Variants in SAMD12 observed in about 807,000 individuals in gnomAD.
The protein encoded by SAMD12 is sterile alpha motif domain-containing protein 12.
Under a neutral mutation model 15.0 loss-of-function variants are expected in SAMD12, and 9 were observed. That is an observed-to-expected ratio of 0.60 (90% CI 0.36 to 1.05). The LOEUF is 1.05. Among genes scored for constraint, SAMD12 ranks in the 50% least tolerant of loss-of-function variants. SAMD12 has a pLI of 0.01. For synonymous variants in SAMD12, 86 were observed against 90.1 expected (o/e 0.96, Z 0.25); for missense variants, 230 against 234.2 (o/e 0.98, Z 0.12).
intron 2 of SAMD12, among the ~76,000 whole-genome samples, chr8:118,574,549 T>C (rs541889272): frequency 7.4e-4 from 113 of 152,366 alleles, no homozygotes; most frequent in African/African-American, 2.5e-3. Context: ...TTTTCTTTTT[T>C]CTTGATTATA....
In SAMD12 at chr8:118,406,336, C is replaced by T. The variant is rs528741092; in HGVS notation, c.323-26636G>A. ...TCACCCAGGCTGGAGTGCAGTGGTG[C>T]GATCTCGCCTCACTGCAACTTCTGC... is the stretch of plus-strand genomic sequence containing the variant. On this transcript the variant is annotated intron_variant, in intron 3 of 3. Transcript: ENST00000314727. Among the ~76,000 whole-genome samples the T allele has an allele frequency of 1.3e-4, 20 of 152,046 alleles. No individual in the cohort carries two copies. In the South Asian group the frequency reaches 2.9e-3, roughly 22 times the overall value.
chr8:118,527,239 C>T (rs975664981), intron 2 of SAMD12, among the ~76,000 whole-genome samples: 1 of 152,190 alleles, frequency 6.6e-6, no homozygotes, highest in Admixed American at 6.5e-5. Flanking sequence ...CTCAGAGCTG[C>T]CAAAGCTTTC....
chr8:118,238,233 G>A (rs902919650), intron 4 of SAMD12, among the ~76,000 whole-genome samples: 1 of 152,040 alleles, frequency 6.6e-6, no homozygotes, highest in South Asian at 2.1e-4. Context: ...TTTTACCAGT[G>A]TTTGGCATAA....
At chr8:118,157,520 C>T in the SAMD12 span, among the ~76,000 whole-genome samples, 1 of 152,134 alleles carries the variant, frequency 6.6e-6, no homozygotes, top group African/African-American at 2.4e-5. Context: ...ATGTGAAAAA[C>T]ATTTATATTA....
intron 4 of SAMD12, among the ~76,000 whole-genome samples, chr8:118,198,060 T>A (rs552951792): frequency 6.6e-6 from 1 of 152,380 alleles, no homozygotes; most frequent in East Asian, 1.9e-4. Flanking sequence ...TCATGTATTA[T>A]GAAGGTTCAT....
intron 2 of SAMD12, among the ~76,000 whole-genome samples, chr8:118,560,675 C>T (rs1388219570): frequency 2.6e-5 from 4 of 151,750 alleles, no homozygotes; most frequent in African/African-American, 4.8e-5. Flanking sequence ...TCTTTCATAC[C>T]GAATAGTAGG....
intron 2 of SAMD12, among the ~76,000 whole-genome samples, chr8:118,535,412 C>T (rs531007228): frequency 1.7e-4 from 26 of 152,304 alleles, no homozygotes; most frequent in Admixed American, 8.5e-4. Context: ...CACTTGAGGA[C>T]GCAGTCTGCC....
intron 4 of SAMD12, among the ~76,000 whole-genome samples, chr8:118,348,213 ACTACAGGTATGTG>A (rs1817765438): frequency 6.6e-6 from 1 of 152,100 alleles, no homozygotes; most frequent in African/African-American, 2.4e-5. Flanking sequence ...AGTAGCTGGC[ACTACAGGTATGTG>A]CTACCATGCC....
chr8:118,578,118 C>T (rs1035169195), intron 2 of SAMD12, among the ~76,000 whole-genome samples: 2 of 152,096 alleles, frequency 1.3e-5, no homozygotes, highest in Non-Finnish European at 2.9e-5. Flanking sequence ...CGGAAACATA[C>T]AATATCTACT....
intron 1 of SAMD12, among the ~76,000 whole-genome samples, chr8:118,608,082 A>G (rs190767325): frequency 1.3e-5 from 2 of 152,136 alleles, no homozygotes; most frequent in African/African-American, 4.8e-5. Flanking sequence ...TGCTATAACT[A>G]TTTATCCCTT....
At chr8:118,556,856 T>C (rs1414937442) in intron 2 of SAMD12, among the ~76,000 whole-genome samples, 2 of 151,334 alleles carry the variant, frequency 1.3e-5, no homozygotes, top group Admixed American at 6.6e-5. Context: ...CCCAACTACT[T>C]GGGAGGATGA....
At chr8:118,616,286 T>C (rs1055149116) in intron 1 of SAMD12, among the ~76,000 whole-genome samples, 2 of 152,154 alleles carry the variant, frequency 1.3e-5, no homozygotes, top group Non-Finnish European at 2.9e-5. Context: ...GGAGTTACTG[T>C]GGGAATCAAA....
At chr8:118,583,133 T>C (rs1351988575) in intron 1 of SAMD12, among the ~76,000 whole-genome samples, 1 of 152,124 alleles carries the variant, frequency 6.6e-6, no homozygotes, top group Non-Finnish European at 1.5e-5. Flanking sequence ...GCAGTGGAAA[T>C]AGGATTACCC....
At chr8:118,236,493 C>T (rs181202629) in intron 4 of SAMD12, among the ~76,000 whole-genome samples, 75 of 152,306 alleles carry the variant, frequency 4.9e-4, no homozygotes, top group Non-Finnish European at 1.0e-3. Flanking sequence ...CAGTTGATTA[C>T]TGGATCTAAG....
the SAMD12 span, among the ~76,000 whole-genome samples, chr8:118,158,053 G>A: frequency 6.6e-6 from 1 of 152,146 alleles, no homozygotes; most frequent in Non-Finnish European, 1.5e-5. Flanking sequence ...AGTCCAGGGA[G>A]GCCAAGCTTT....
intron 4 of SAMD12, among the ~76,000 whole-genome samples, chr8:118,256,266 T>C (rs1263789633): frequency 6.6e-6 from 1 of 152,146 alleles, no homozygotes; most frequent in Non-Finnish European, 1.5e-5. Context: ...TACATGGATA[T>C]GTGCACCTAC....
chr8:118,437,069 CATCACA>C (rs1264379569), intron 3 of SAMD12, among the ~76,000 whole-genome samples: 32 of 152,284 alleles, frequency 2.1e-4, no homozygotes, highest in Middle Eastern at 3.4e-3. Flanking sequence ...TTTGCTCTGT[CATCACA>C]TCTTGAGTTT....
intron 2 of SAMD12, among the ~76,000 whole-genome samples, chr8:118,527,106 A>G (rs1012048720): frequency 3.3e-5 from 5 of 152,010 alleles, no homozygotes; most frequent in African/African-American, 1.2e-4. Context: ...GATATTTCTG[A>G]TCCTTCCCTT....
intron 4 of SAMD12, among the ~76,000 whole-genome samples, chr8:118,206,637 C>T (rs1191128566): frequency 1.3e-5 from 2 of 152,224 alleles, no homozygotes; most frequent in African/African-American, 4.8e-5. Flanking sequence ...GAATCTGTAT[C>T]ACAATCTATT....
Sources: gnomAD v4.1 joint callset for allele counts (sites outside exome capture counted in the v4.1 genomes callset) on GRCh38, gnomAD v4.1.1 for gene constraint, MANE v1.5 for transcripts, NCBI Gene and HGNC (gene_info 2026-07-23, HGNC 2026-07-21) for gene names.